Variants in TRANK1 observed in about 807,000 individuals in gnomAD.
TRANK1 encodes the protein tetratricopeptide repeat and ankyrin repeat containing 1, also known as TPR and ankyrin repeat-containing protein 1.
A neutral mutation model predicts 266.0 loss-of-function variants in TRANK1; 198 were observed. That is an observed-to-expected ratio of 0.74 (90% CI 0.66 to 0.84). The LOEUF (loss-of-function observed/expected upper bound fraction) is 0.84, where lower values mean the gene tolerates loss of function less well. TRANK1 is among the 40% of genes least tolerant of loss of function. The probability of loss-of-function intolerance (pLI) is 0.00; values close to 1 mark genes in which losing one functional copy is unlikely to be tolerated. For missense variants in TRANK1, 3,326 were observed against 3,634.6 expected (o/e 0.92, Z 2.18); for synonymous variants, 1,396 against 1,384.1 (o/e 1.01, Z -0.19).
In TRANK1 at chr3:36,921,425, C is replaced by T. The variant is rs574300421; in HGVS notation, c.24-12971G>A. 2.0e-4 allele frequency among the ~76,000 whole-genome samples: 30 copies of T among 152,300 alleles called. No individual in the cohort carries two copies. The South Asian group carries it at 3.5e-3, about 18-fold the overall frequency. ...ATGTTCCAGTGCTATTTCCTTGCGGCACCGAAAATTTATTTGTAACATTCT... is the reference window on the plus strand; with the variant it reads ...ATGTTCCAGTGCTATTTCCTTGCGGTACCGAAAATTTATTTGTAACATTCT... On this transcript the variant is annotated intron_variant, in intron 1 of 23. Transcript: ENST00000645898.
At chr3:36,918,130 G>A (rs1209266295) in intron 1 of TRANK1, among the ~76,000 whole-genome samples, 5 of 152,264 alleles carry the variant, frequency 3.3e-5, no homozygotes, top group Non-Finnish European at 5.9e-5. Flanking sequence ...AGGGCATCAT[G>A]CTAAGTGAAA....
rs763090351 is a variant in TRANK1 at position 36,830,872 on chromosome 3, C to G, written c.8710+1G>C. 1 of 1,595,864 alleles carries G rather than the reference C, an allele frequency of 6.3e-7. No homozygotes were observed. The highest frequency in any genetic ancestry group is 1.1e-5 in the South Asian group (1 of 88,720). On this transcript the variant is annotated splice_donor_variant, in intron 22 of 23. Coordinates refer to ENST00000645898, the MANE Select transcript of TRANK1 (RefSeq NM_001329998.2). LOFTEE classifies it high-confidence loss of function. ...GGGCCCCCATCTCTGCAGACCCTTA[C>G]CGCCAGCCCAGGCCTTCCGCCTGTA... is the stretch of plus-strand genomic sequence containing the variant.
chr3:36,925,883 C>T (rs1484318264), intron 1 of TRANK1, among the ~76,000 whole-genome samples: 1 of 152,154 alleles, frequency 6.6e-6, no homozygotes, highest in Non-Finnish European at 1.5e-5. Flanking sequence ...TGTGCCCGGC[C>T]GTTGAATCTT....
rs148362947 is a variant in TRANK1, at chr3:36,832,794, G to C, written c.6789C>G (p.Gly2263=). ...IDYILSTDMY[G]LCKSILDVLF... Reference sequence around the variant, plus strand: ...GGACATCCAGAATGGACTTGCAAAGGCCATACATATCTGTAGACAAAATAT... The same window carrying C: ...GGACATCCAGAATGGACTTGCAAAGCCCATACATATCTGTAGACAAAATAT... Residue 2263 remains glycine (G), a synonymous_variant, in exon 22 of 24, where the codon GGC becomes GGG. Coordinates refer to ENST00000645898, the MANE Select transcript of TRANK1 (RefSeq NM_001329998.2). 12,163 of 1,613,972 alleles carry C rather than the reference G, an allele frequency of 7.5e-3. 68 individuals carry two copies. The highest frequency in any genetic ancestry group is 8.5e-3 in the Non-Finnish European group (10,027 of 1,179,882).
At chr3:36,851,625 C>T in intron 15 of TRANK1, 94 bp downstream of exon 15, 1 of 1,425,104 alleles carries the variant, frequency 7.0e-7, no homozygotes, top group Non-Finnish European at 9.4e-7. Context: ...CTGTGATAAA[C>T]TCTCTTACCC....
chr3:36,840,139 G>A (rs780274224), intron 18 of TRANK1, among the ~76,000 whole-genome samples: 15 of 152,184 alleles, frequency 9.9e-5, no homozygotes, highest in East Asian at 3.9e-4. Flanking sequence ...AGGGAATAAA[G>A]GGTAAGATTT....
chr3:36,842,361 G>C (rs1014579603), intron 18 of TRANK1, among the ~76,000 whole-genome samples: 1 of 152,224 alleles, frequency 6.6e-6, no homozygotes, highest in Non-Finnish European at 1.5e-5. Flanking sequence ...TCCTTGGTGG[G>C]GCAAAGGCCA....
In TRANK1 at chr3:36,857,922, C is replaced by T. The variant is rs2079081915; in HGVS notation, c.1800G>A (p.Gln600=). Residue 600 remains glutamine (Q), a synonymous_variant, in exon 13 of 24, where the codon CAG becomes CAA. Coordinates refer to ENST00000645898, the MANE Select transcript of TRANK1 (RefSeq NM_001329998.2). The surrounding 1 kb of genome is among the most constrained non-coding windows in gnomAD (Gnocchi z 4.3). The stretch of plus-strand genomic sequence containing the variant: ...TCTTCACGCGCTTTAGCATGCCCTT[C>T]TGGAAGAGGATGTGCATCAGCGTGT... The part of the protein sequence containing the change: ...NGNTLMHILF[Q]KGMLKRVKKL... 3.7e-6 allele frequency: 6 copies of T among 1,606,958 alleles called. No homozygotes were observed. The South Asian group carries it at 6.6e-5, about 18-fold the overall frequency.
rs11927114 is a variant in TRANK1, at chr3:36,891,793, T to G, written c.775+409A>C. On this transcript the variant is annotated intron_variant, in intron 7 of 23. Transcript: ENST00000645898. Reference sequence around the variant, plus strand: ...CCCCCAGCCAAGGGACTATGTTCTGTGTCCCACAACACAGCCGTCAACCCT... The same window carrying G: ...CCCCCAGCCAAGGGACTATGTTCTGGGTCCCACAACACAGCCGTCAACCCT... 4.3e-3 allele frequency among the ~76,000 whole-genome samples: 656 copies of G among 152,316 alleles called. 6 individuals carry two copies. Among genetic ancestry groups the G allele is most frequent in the African/African-American group, 0.015 (624 of 41,554 alleles).
chr3:36,904,567 G>A (rs115661750), intron 2 of TRANK1, among the ~76,000 whole-genome samples: 4,484 of 152,060 alleles, frequency 0.029, 219 homozygotes, highest in African/African-American at 0.1. Context: ...ACAAATCACT[G>A]TAGAATAATA....
intron 13 of TRANK1, 33 bp downstream of exon 13, chr3:36,855,140 C>A (rs2079033433): frequency 1.3e-6 from 2 of 1,566,328 alleles, no homozygotes; most frequent in Non-Finnish European, 1.7e-6. Context: ...TGCCTAAGCA[C>A]CCCCAGTAGG....
At chr3:36,939,396 C>T (rs905824568) in intron 1 of TRANK1, among the ~76,000 whole-genome samples, 1 of 152,092 alleles carries the variant, frequency 6.6e-6, no homozygotes, top group African/African-American at 2.4e-5. Flanking sequence ...ATTCACATGA[C>T]TTTGCACAGC....
At chr3:36,878,466 C>A (rs1199667708) in intron 8 of TRANK1, among the ~76,000 whole-genome samples, 1 of 152,120 alleles carries the variant, frequency 6.6e-6, no homozygotes, top group Non-Finnish European at 1.5e-5. Flanking sequence ...CCGTGAGCAA[C>A]GTCTTAGATA....
In TRANK1 at chr3:36,856,223, C is replaced by T; in HGVS notation, c.3499G>A (p.Val1167Met). 1 of 1,613,880 alleles carries T rather than the reference C, an allele frequency of 6.2e-7. No individual in the cohort carries two copies. The highest frequency in any genetic ancestry group is 1.1e-5 in the South Asian group (1 of 91,074). The change falls in exon 13 of 24, where the codon GTG (valine) becomes ATG (methionine). Residue 1167 changes from valine to methionine, a missense_variant. Transcript: ENST00000645898. ...EYEACAGGAGVEPAGDGQAAE... is the reference protein window; with the variant it reads ...EYEACAGGAGMEPAGDGQAAE... ...GCTTGGCCGTCCCCTGCTGGCTCCA[C>T]ACCGGCTCCTCCTGCGCAGGCTTCA...
At chr3:36,909,965 T>G (rs1384894592) in intron 1 of TRANK1, among the ~76,000 whole-genome samples, 1 of 152,252 alleles carries the variant, frequency 6.6e-6, no homozygotes, top group East Asian at 1.9e-4. Context: ...TTTCAAATAT[T>G]GTCGGCCATT....
intron 1 of TRANK1, among the ~76,000 whole-genome samples, chr3:36,943,178 C>T (rs1039997730): frequency 6.6e-6 from 1 of 151,062 alleles, no homozygotes; most frequent in African/African-American, 2.4e-5. Context: ...GGTGACAGAG[C>T]GAGAATCCCT....
chr3:36,901,101 G>GTTT (rs55801006), intron 3 of TRANK1, among the ~76,000 whole-genome samples: 83 of 136,966 alleles, frequency 6.1e-4, no homozygotes, highest in Non-Finnish European at 1.0e-3. Flanking sequence ...ATTCAAGGTT[G>GTTT]TTTTTTTTTT....
Position 36,874,180 on chromosome 3 carries a change from C to G in TRANK1, c.1024G>C (p.Glu342Gln). The G allele has an allele frequency of 6.5e-7, 1 of 1,537,458 alleles. No individual in the cohort carries two copies. ...TTTTCTAAGTGACTGTTGATTTTCT[C>G]GATGGCTTTGAAGTTCTTATTCCTC... Reference protein sequence around the residue: ...LKRNKNFKAIEKINSHLEKLA... With the variant: ...LKRNKNFKAIQKINSHLEKLA... The change falls in exon 9 of 24, where the codon GAG becomes CAG. Residue 342 changes from glutamate to glutamine, a missense_variant. Physicochemically the swap from Glu to Gln is conservative, Grantham distance 29 (BLOSUM62 2). Coordinates refer to ENST00000645898, the MANE Select transcript of TRANK1 (RefSeq NM_001329998.2).
intron 9 of TRANK1, among the ~76,000 whole-genome samples, chr3:36,870,900 C>T (rs1187979069): frequency 6.8e-6 from 1 of 147,418 alleles, no homozygotes; most frequent in Non-Finnish European, 1.5e-5. Flanking sequence ...AGAACCTTGC[C>T]TCAGAAGACA....
Sources: gnomAD v4.1 joint callset for allele counts (sites outside exome capture counted in the v4.1 genomes callset) on GRCh38, gnomAD v4.1.1 for gene constraint, Gnocchi (gnomAD v3.1) non-coding constraint, MANE v1.5 for transcripts, NCBI Gene and HGNC (gene_info 2026-07-23, HGNC 2026-07-21) for gene names.